ZFAND3: variants seen among roughly 807,000 people sequenced by gnomAD.
ZFAND3 encodes AN1-type zinc finger protein 3.
Under a neutral mutation model 29.6 loss-of-function variants are expected in ZFAND3, and 10 were observed. That is an observed-to-expected ratio of 0.34 (90% confidence interval 0.21 to 0.57). The LOEUF is 0.57. Ranked by LOEUF, ZFAND3 falls within the 20% of genes least tolerant of loss-of-function variation. ZFAND3 has a pLI of 0.86. For missense variants in ZFAND3, 230 were observed against 304.5 expected (o/e 0.76, Z 1.82); for synonymous variants, 128 against 112.6 (o/e 1.14, Z -0.87).
At position 37,934,838 on chromosome 6, in the gene ZFAND3, CAAAAAAAAAA is replaced by C. The variant is rs61670894; in HGVS notation, c.112+4856_112+4865del. ...TGGGCAACAGAGTGAGACTCTGTCTCAAAAAAAAAAAAAAAAAAAAAAAAAAGCAAAAGTT... is the reference window on the plus strand; with the variant it reads ...TGGGCAACAGAGTGAGACTCTGTCTCAAAAAAAAAAAAAAAAGCAAAAGTT... On this transcript the variant is annotated intron_variant, in intron 2 of 5. Transcript: ENST00000287218. Among the ~76,000 whole-genome samples, 11 of 70,642 alleles carry C rather than the reference CAAAAAAAAAA, an allele frequency of 1.6e-4. No individual in the cohort carries two copies. In the East Asian group the frequency reaches 2.0e-3, roughly 13 times the overall value. The allele number at this position is 70,642 out of a possible 152,430, so 46.3% of individuals were successfully genotyped here.
chr6:38,119,881 A>C (rs1049098095), intron 5 of ZFAND3, among the ~76,000 whole-genome samples: 2 of 152,244 alleles, frequency 1.3e-5, no homozygotes, highest in Non-Finnish European at 2.9e-5. Flanking sequence ...AGGAATTGTT[A>C]ATTGCCAAGA....
intron 1 of ZFAND3, among the ~76,000 whole-genome samples, chr6:37,829,348 C>T (rs1763817678): frequency 6.6e-6 from 1 of 152,030 alleles, no homozygotes; most frequent in South Asian, 2.1e-4. Flanking sequence ...CCAGCCTGGA[C>T]AACATGGTAA....
intron 4 of ZFAND3, 72 bp from the exon 5 acceptor site, chr6:38,116,500 G>A (rs939602407): frequency 1.3e-6 from 2 of 1,521,820 alleles, no homozygotes; most frequent in Non-Finnish European, 1.8e-6. Context: ...AGAATGCCTG[G>A]AAATACATTA....
At chr6:38,067,508 G>A (rs977423953) in intron 3 of ZFAND3, among the ~76,000 whole-genome samples, 1 of 152,206 alleles carries the variant, frequency 6.6e-6, no homozygotes, top group Non-Finnish European at 1.5e-5. Flanking sequence ...AAAGGACATT[G>A]CATGCAAATT....
chr6:38,144,774 G>A (rs973829429), intron 5 of ZFAND3, among the ~76,000 whole-genome samples: 1 of 152,210 alleles, frequency 6.6e-6, no homozygotes, highest in Non-Finnish European at 1.5e-5. Context: ...CCACTTGAGG[G>A]AGCTTCCAAG....
At chr6:38,012,270 T>G (rs779659427) in intron 2 of ZFAND3, among the ~76,000 whole-genome samples, 21 of 152,114 alleles carry the variant, frequency 1.4e-4, no homozygotes, top group Admixed American at 2.0e-4. Context: ...ATTTTGTATA[T>G]ACTAACAAAT....
At chr6:38,103,424 C>T (rs1043888162) in intron 4 of ZFAND3, among the ~76,000 whole-genome samples, 2 of 138,358 alleles carry the variant, frequency 1.4e-5, no homozygotes, top group Non-Finnish European at 3.0e-5. Flanking sequence ...TATATACACA[C>T]ACATATATAT....
rs147651493 is a variant in ZFAND3, at chr6:38,135,218, G to A, written c.530-17017G>A. 7.2e-5 allele frequency among the ~76,000 whole-genome samples: 11 copies of A among 152,298 alleles called. No homozygotes were observed. The East Asian group carries it at 2.1e-3, about 29-fold the overall frequency. On this transcript the variant is annotated intron_variant, in intron 5 of 5. Transcript: ENST00000287218. Reference sequence around the variant, plus strand: ...ACACTCTTAACTGTTGGGAAAAGGGGCTAGCACACTTCAGATCTGGATAGT... The same window carrying A: ...ACACTCTTAACTGTTGGGAAAAGGGACTAGCACACTTCAGATCTGGATAGT...
intron 2 of ZFAND3, among the ~76,000 whole-genome samples, chr6:38,049,058 T>G (rs1763967481): frequency 3.3e-5 from 5 of 152,218 alleles, no homozygotes; most frequent in Non-Finnish European, 7.3e-5. Context: ...GACTTACACT[T>G]GCCAGTTAGC....
At chr6:38,079,549 C>G (rs976571937) in intron 3 of ZFAND3, among the ~76,000 whole-genome samples, 2 of 152,144 alleles carry the variant, frequency 1.3e-5, no homozygotes, top group Non-Finnish European at 2.9e-5. Context: ...TGTGTTAATT[C>G]ATGAGTCTCA....
chr6:38,023,070 C>T (rs1357658578), intron 2 of ZFAND3, among the ~76,000 whole-genome samples: 1 of 152,174 alleles, frequency 6.6e-6, no homozygotes, highest in Non-Finnish European at 1.5e-5. Flanking sequence ...GTGAATTCAT[C>T]AATTTGTAAA....
At chr6:37,949,142 T>TAA (rs1761952184) in intron 2 of ZFAND3, among the ~76,000 whole-genome samples, 1 of 152,194 alleles carries the variant, frequency 6.6e-6, no homozygotes, top group Non-Finnish European at 1.5e-5. Context: ...TTTGACTTTT[T>TAA]AATAATGTTC....
intron 2 of ZFAND3, among the ~76,000 whole-genome samples, chr6:38,047,676 A>G (rs1373809817): frequency 6.6e-6 from 1 of 152,164 alleles, no homozygotes; most frequent in Non-Finnish European, 1.5e-5. Flanking sequence ...TTTTATGACC[A>G]GAAACTTTAA....
At chr6:38,073,438 C>G (rs1764494768) in intron 3 of ZFAND3, among the ~76,000 whole-genome samples, 1 of 151,534 alleles carries the variant, frequency 6.6e-6, no homozygotes, top group Admixed American at 6.6e-5. Flanking sequence ...TGATGCAAAT[C>G]TAGAAATCGG....
chr6:38,024,706 C>T (rs1239738884), intron 2 of ZFAND3, among the ~76,000 whole-genome samples: 1 of 152,158 alleles, frequency 6.6e-6, no homozygotes, highest in Non-Finnish European at 1.5e-5. Context: ...AAACCAGACA[C>T]AAGAGGTCAC....
At chr6:37,905,999 T>C (rs1397757730) in intron 1 of ZFAND3, among the ~76,000 whole-genome samples, 1 of 152,164 alleles carries the variant, frequency 6.6e-6, no homozygotes, top group Non-Finnish European at 1.5e-5. Context: ...GTTAAAAATG[T>C]TGTACACCCA....
At chr6:38,107,567 C>T (rs932065747) in intron 4 of ZFAND3, among the ~76,000 whole-genome samples, 1 of 152,214 alleles carries the variant, frequency 6.6e-6, no homozygotes, top group Admixed American at 6.5e-5. Context: ...CACAGTGGCT[C>T]ACACCTGTAA....
chr6:37,961,170 G>A (rs1195966660), intron 2 of ZFAND3, among the ~76,000 whole-genome samples: 2 of 152,208 alleles, frequency 1.3e-5, no homozygotes, highest in Admixed American at 6.5e-5. Context: ...CCAGACAGGA[G>A]CCCACTCCCT....
rs1462854641 is a variant in ZFAND3 at position 37,978,620 on chromosome 6, C to T, written c.112+48621C>T. Reference sequence around the variant, plus strand: ...ATGCAATTTCTTTGATAATGATACACGGTTATTCAGAATATCTATTTCTTC... The same window carrying T: ...ATGCAATTTCTTTGATAATGATACATGGTTATTCAGAATATCTATTTCTTC... On this transcript the variant is annotated intron_variant, in intron 2 of 5. Transcript: ENST00000287218. 3.3e-5 allele frequency among the ~76,000 whole-genome samples: 5 copies of T among 152,154 alleles called. No individual in the cohort carries two copies. The East Asian group carries it at 7.7e-4, about 23-fold the overall frequency.
Sources: allele counts gnomAD v4.1 joint callset (sites outside exome capture counted in the v4.1 genomes callset), GRCh38; gene constraint gnomAD v4.1.1; transcripts MANE v1.5; gene names NCBI Gene and HGNC (gene_info 2026-07-23, HGNC 2026-07-21).